RASA3: variants seen among roughly 807,000 people sequenced by gnomAD.
RASA3 encodes the protein ras GTPase-activating protein 3.
RASA3 carries 73 observed loss-of-function variants against 110.0 expected under a neutral mutation model. That is an observed-to-expected ratio of 0.66 (90% CI 0.55 to 0.81). The LOEUF is 0.81. Among genes scored for constraint, RASA3 ranks in the 30% least tolerant of loss-of-function variants. RASA3 has a pLI of 0.00. For synonymous variants in RASA3, 500 were observed against 451.4 expected (o/e 1.11, Z -1.37); for missense variants, 976 against 1,113.2 (o/e 0.88, Z 1.75).
At chr13:114,060,641 C>T (rs1331656526) in intron 2 of RASA3, among the ~76,000 whole-genome samples, 2 of 152,242 alleles carry the variant, frequency 1.3e-5, no homozygotes, top group Non-Finnish European at 2.9e-5. Context: ...GGACACGCCC[C>T]GTTCCGCTCT....
chr13:114,115,805 C>T lies in RASA3; in HGVS notation c.55+16630G>A, dbSNP rs181688095. On this transcript the variant is annotated intron_variant, in intron 1 of 23. Transcript: ENST00000334062. The surrounding 1 kb of genome is among the most constrained non-coding windows in gnomAD (Gnocchi z 5.0). ...CCCACGCCTTCTCAGTCTCCTGTAA[C>T]GACGTTGCTACAGATGTATGTGTTT... is the stretch of plus-strand genomic sequence containing the variant. 2.8e-4 allele frequency among the ~76,000 whole-genome samples: 43 copies of T among 152,312 alleles called. No homozygotes were observed. The highest frequency in any genetic ancestry group is 9.4e-4 in the African/African-American group (39 of 41,568).
intron 1 of RASA3, among the ~76,000 whole-genome samples, chr13:114,108,399 GTCACCCCATCCATCACCCCGCGTCCA>G (rs2080169443): frequency 4.2e-5 from 1 of 23,606 alleles, no homozygotes; most frequent in African/African-American, 1.9e-4. Context: ...CCCCATGTCC[GTCACCCCATCCATCACCCCGCGTCCA>G]TCATCCCCCA....
chr13:113,989,289 A>C (rs1430172021), intron 22 of RASA3, among the ~76,000 whole-genome samples: 1 of 137,868 alleles, frequency 7.3e-6, no homozygotes, highest in Non-Finnish European at 1.5e-5. Flanking sequence ...CCATCCGTCC[A>C]TCCACCCATT....
intron 21 of RASA3, 92 bp from the exon 22 acceptor site, chr13:113,992,680 A>C (rs1022000622): frequency 5.1e-6 from 5 of 979,758 alleles, no homozygotes; most frequent in Non-Finnish European, 7.8e-6. Flanking sequence ...TCACTGAAGA[A>C]AGACAACGAT....
Position 114,014,060 on chromosome 13 carries a change from C to A in RASA3, c.1406-812G>T, listed in dbSNP as rs1218532020. ...TCTCTATCTCTCTCTCCGTCTGTCT[C>A]TGCCTCTCTCTCCGTCTGTCTCTGC... On this transcript the variant is annotated intron_variant, in intron 14 of 23. Coordinates refer to ENST00000334062, the MANE Select transcript of RASA3 (RefSeq NM_007368.4). The surrounding 1 kb of genome is among the most constrained non-coding windows in gnomAD (Gnocchi z 4.5). Among the ~76,000 whole-genome samples the A allele has an allele frequency of 3.7e-3, 463 of 123,850 alleles. 7 individuals carry two copies. The highest frequency in any genetic ancestry group is 0.026 in the East Asian group (132 of 5,030). The allele number at this position is 123,850 out of a possible 152,430, so 81.3% of individuals were successfully genotyped here.
At chr13:114,124,121 G>A (rs1009089661) in intron 1 of RASA3, among the ~76,000 whole-genome samples, 2 of 152,186 alleles carry the variant, frequency 1.3e-5, no homozygotes, top group African/African-American at 2.4e-5. Flanking sequence ...CAGCGCTGCA[G>A]CCGTTACTGG....
At chr13:114,109,954 C>T (rs1194695667) in intron 1 of RASA3, among the ~76,000 whole-genome samples, 1 of 152,178 alleles carries the variant, frequency 6.6e-6, no homozygotes, top group African/African-American at 2.4e-5. Context: ...TCTCCTCAGC[C>T]ACCCACAGAT....
At chr13:114,123,157 G>T (rs1018617376) in intron 1 of RASA3, among the ~76,000 whole-genome samples, 3 of 152,180 alleles carry the variant, frequency 2.0e-5, no homozygotes, top group African/African-American at 7.2e-5. Context: ...CATGTGTCCT[G>T]CACAGTCACC....
At chr13:114,106,529 C>T (rs1251863563) in intron 1 of RASA3, among the ~76,000 whole-genome samples, 1 of 152,154 alleles carries the variant, frequency 6.6e-6, no homozygotes, top group Non-Finnish European at 1.5e-5. Flanking sequence ...GAAGTTTAAA[C>T]ATAAAATATA....
At chr13:114,027,975 G>A in intron 5 of RASA3, 48 bp from the exon 6 acceptor site, 1 of 1,498,628 alleles carries the variant, frequency 6.7e-7, no homozygotes, top group Non-Finnish European at 9.2e-7. Flanking sequence ...CAGACACCTG[G>A]GCGAATGGCG....
intron 1 of RASA3, among the ~76,000 whole-genome samples, chr13:114,118,010 C>T (rs960970399): frequency 2.0e-5 from 3 of 151,888 alleles, no homozygotes; most frequent in Non-Finnish European, 4.4e-5. Context: ...TGCACGTGTG[C>T]ACACCAAGTG....
chr13:114,096,154 G>C lies in RASA3; in HGVS notation c.56-22317C>G, dbSNP rs1594448582. On this transcript the variant is annotated intron_variant, in intron 1 of 23. Coordinates refer to ENST00000334062, the MANE Select transcript of RASA3 (RefSeq NM_007368.4). The surrounding 1 kb of genome is among the most constrained non-coding windows in gnomAD (Gnocchi z 5.1). ...TGGGTGGCCTGGGTGGCATCGGTGT[G>C]CCGGAAAAGGGGTGCTCTCCAGGTG... Among the ~76,000 whole-genome samples, 1 of 151,810 alleles carries C rather than the reference G, an allele frequency of 6.6e-6. No homozygotes were observed. Among genetic ancestry groups the C allele is most frequent in the Admixed American group, 6.5e-5 (1 of 15,270 alleles).
intron 2 of RASA3, among the ~76,000 whole-genome samples, chr13:114,067,987 T>G (rs2079482080): frequency 6.6e-6 from 1 of 152,188 alleles, no homozygotes; most frequent in South Asian, 2.1e-4. Flanking sequence ...CCAGATCATT[T>G]TGGGGGTGCT....
chr13:114,015,381 T>C lies in RASA3; in HGVS notation c.1282-49A>G, dbSNP rs201514030. The C allele has an allele frequency of 1.9e-4, 313 of 1,606,658 alleles. 1 individual carries two copies. In the East Asian group the frequency reaches 6.0e-3, roughly 31 times the overall value. On this transcript the variant is annotated intron_variant, in intron 13 of 23. Transcript: ENST00000334062. ...ACCCACTCCCGAGGCTGCCCACAGGTGCGTGTAGCACCAGGGCACGCCCAG... is the reference window on the plus strand; with the variant it reads ...ACCCACTCCCGAGGCTGCCCACAGGCGCGTGTAGCACCAGGGCACGCCCAG...
In RASA3 at chr13:114,088,656, G is replaced by A. The variant is rs191684648; in HGVS notation, c.56-14819C>T. 6.6e-5 allele frequency among the ~76,000 whole-genome samples: 10 copies of A among 151,834 alleles called. 1 individual carries two copies. The highest frequency in any genetic ancestry group is 3.4e-3 in the Middle Eastern group (1 of 294). On this transcript the variant is annotated intron_variant, in intron 1 of 23. Transcript: ENST00000334062. ...AACCTCCGCCTCCCAGGTTCAAACA[G>A]TCTCCTGCCTCAGCCTCCTGAGAAG...
chr13:114,087,144 C>T (rs2079829552), intron 1 of RASA3, among the ~76,000 whole-genome samples: 1 of 81,932 alleles, frequency 1.2e-5, no homozygotes, highest in Non-Finnish European at 2.6e-5. Flanking sequence ...TCTGGAGTAT[C>T]GACTCCCTTC....
chr13:114,062,318 G>T (rs1214294608), intron 2 of RASA3, among the ~76,000 whole-genome samples: 1 of 151,934 alleles, frequency 6.6e-6, no homozygotes, highest in Non-Finnish European at 1.5e-5. Flanking sequence ...ATTCATTGAG[G>T]GGGGGCTCGC....
At chr13:114,029,910 G>A (rs778873745) in intron 4 of RASA3, 23 bp from the exon 5 acceptor site, 14 of 1,542,994 alleles carry the variant, frequency 9.1e-6, no homozygotes, top group Non-Finnish European at 1.1e-5. Flanking sequence ...AGGATGGGGT[G>A]TCAGAGGCTG....
intron 22 of RASA3, among the ~76,000 whole-genome samples, chr13:113,991,457 G>A (rs960797249): frequency 6.6e-6 from 1 of 152,210 alleles, no homozygotes; most frequent in African/African-American, 2.4e-5. Flanking sequence ...CAAGGGCCCT[G>A]TCATATGATC....
Sources: allele counts gnomAD v4.1 joint callset (sites outside exome capture counted in the v4.1 genomes callset), GRCh38; gene constraint gnomAD v4.1.1; non-coding constraint Gnocchi (gnomAD v3.1); transcripts MANE v1.5; gene names NCBI Gene and HGNC (gene_info 2026-07-23, HGNC 2026-07-21).